HSF5: variants seen among roughly 807,000 people sequenced by gnomAD.
HSF5 encodes the protein heat shock factor protein 5.
In HSF5, 5 loss-of-function variants were observed where a neutral mutation model predicts 50.8. That is an observed-to-expected ratio of 0.10 (90% CI 0.05 to 0.21). HSF5 has a LOEUF of 0.21. HSF5 is among the 10% of genes least tolerant of loss of function. The probability of loss-of-function intolerance (pLI) is 1.00; values close to 1 mark genes in which losing one functional copy is unlikely to be tolerated. For missense variants in HSF5, 564 were observed against 762.6 expected (o/e 0.74, Z 3.07); for synonymous variants, 307 against 307.4 (o/e 1.00, Z 0.02).
intron 1 of HSF5, among the ~76,000 whole-genome samples, chr17:58,481,155 T>C (rs117598412): frequency 6.6e-6 from 1 of 152,214 alleles, no homozygotes; most frequent in Non-Finnish European, 1.5e-5. Flanking sequence ...CTTAGTTTCC[T>C]CCTTCATCCC....
At chr17:58,482,799 C>A (rs1418609300) in intron 1 of HSF5, among the ~76,000 whole-genome samples, 2 of 149,526 alleles carry the variant, frequency 1.3e-5, no homozygotes, top group Non-Finnish European at 3.0e-5. Flanking sequence ...AAACAATCAG[C>A]CAGGTATGGT....
At chr17:58,486,322 G>A (rs149550057) in intron 1 of HSF5, among the ~76,000 whole-genome samples, 2,525 of 152,242 alleles carry the variant, frequency 0.017, 61 homozygotes, top group African/African-American at 0.056. Context: ...CCGAGATCGC[G>A]CCATTGCACT....
rs1346637479 is a variant in HSF5, at chr17:58,462,886, C to G, written c.1438G>C (p.Ala480Pro). 1.2e-6 allele frequency: 2 copies of G among 1,614,162 alleles called. No individual in the cohort carries two copies. Among genetic ancestry groups the G allele is most frequent in the Non-Finnish European group, 1.7e-6 (2 of 1,180,016 alleles). Residue 480 changes from alanine to proline, a missense_variant, in exon 4 of 6, where the codon GCC (alanine) becomes CCC (proline). Around this residue, in one of 5 missense-constraint regions of HSF5, gnomAD observed 441 missense variants for 533.6 expected, o/e 0.83. Coordinates refer to ENST00000323777, the MANE Select transcript of HSF5 (RefSeq NM_001080439.3). ...AGTTTGACATGAGCTTGCTGGATGG[C>G]TGCAGATTCCTGTATTGTGCTATTT... ...VENSTIQESA[A>P]IQQAHVKLKE...
intron 2 of HSF5, among the ~76,000 whole-genome samples, chr17:58,467,504 C>T (rs1409477242): frequency 6.6e-6 from 1 of 152,250 alleles, no homozygotes; most frequent in Non-Finnish European, 1.5e-5. Context: ...CAGAGCCAGA[C>T]TGCCTGGTTT....
At chr17:58,457,861 G>A (rs1308605304) in intron 5 of HSF5, among the ~76,000 whole-genome samples, 3 of 152,166 alleles carry the variant, frequency 2.0e-5, no homozygotes, top group Non-Finnish European at 4.4e-5. Flanking sequence ...AACTAAAAGT[G>A]TGCAAGCTAA....
In HSF5 at chr17:58,422,072, C is replaced by G. The variant is rs1974235405; in HGVS notation, c.*288G>C. On this transcript the variant is annotated 3_prime_UTR_variant, in exon 6 of 6. Coordinates refer to ENST00000323777, the MANE Select transcript of HSF5 (RefSeq NM_001080439.3). ...CCATAGATGGAGCAGTTTTTAGATGCTCCTTGACTATAACAGAAGGTCAGA... is the reference window on the plus strand; with the variant it reads ...CCATAGATGGAGCAGTTTTTAGATGGTCCTTGACTATAACAGAAGGTCAGA... The G allele has an allele frequency of 3.2e-6, 1 of 317,414 alleles. No homozygotes were observed. Among genetic ancestry groups the G allele is most frequent in the African/African-American group, 2.2e-5 (1 of 46,504 alleles). 19.7% of individuals were successfully genotyped at this position (317,414 alleles called of 1,614,324 possible).
At chr17:58,428,872 C>T (rs566332788) in intron 5 of HSF5, among the ~76,000 whole-genome samples, 15 of 152,190 alleles carry the variant, frequency 9.9e-5, no homozygotes, top group Middle Eastern at 3.4e-3. Flanking sequence ...CCATATGACC[C>T]GGCAATTCCA....
chr17:58,469,489 G>T (rs1416534442), intron 2 of HSF5, among the ~76,000 whole-genome samples: 1 of 152,190 alleles, frequency 6.6e-6, no homozygotes. Flanking sequence ...TGAAGAAAAT[G>T]AGGATTTGAA....
At chr17:58,487,624 C>A in intron 1 of HSF5, 101 bp downstream of exon 1, 1 of 1,317,258 alleles carries the variant, frequency 7.6e-7, no homozygotes, top group African/African-American at 1.5e-5. Context: ...CTTTCCGACG[C>A]CCATAGCGTG....
chr17:58,446,864 T>G (rs1974568717), intron 5 of HSF5, among the ~76,000 whole-genome samples: 1 of 152,156 alleles, frequency 6.6e-6, no homozygotes, highest in African/African-American at 2.4e-5. Flanking sequence ...CAGTGGCTCA[T>G]GCCTGTAATC....
intron 2 of HSF5, chr17:58,476,440 G>C (rs1975012906): frequency 4.7e-6 from 5 of 1,061,956 alleles, no homozygotes; most frequent in Non-Finnish European, 7.3e-6. Context: ...AGTTTAACTT[G>C]AACGCTTTGT....
intron 5 of HSF5, among the ~76,000 whole-genome samples, chr17:58,453,049 A>C (rs902934615): frequency 2.6e-5 from 4 of 152,088 alleles, no homozygotes; most frequent in African/African-American, 9.7e-5. Flanking sequence ...CAAACAAACA[A>C]AAAGTCTCCC....
At chr17:58,424,630 G>A (rs902760259) in intron 5 of HSF5, among the ~76,000 whole-genome samples, 1 of 150,550 alleles carries the variant, frequency 6.6e-6, no homozygotes, top group Non-Finnish European at 1.5e-5. Context: ...AAAAAAAAAG[G>A]AGGAAGAAAG....
At chr17:58,473,514 G>T (rs1425546058) in intron 2 of HSF5, among the ~76,000 whole-genome samples, 1 of 152,118 alleles carries the variant, frequency 6.6e-6, no homozygotes, top group Non-Finnish European at 1.5e-5. Flanking sequence ...TTAAATTACA[G>T]TTGCAGACCA....
At chr17:58,447,930 C>T (rs1974582038) in intron 5 of HSF5, among the ~76,000 whole-genome samples, 1 of 152,158 alleles carries the variant, frequency 6.6e-6, no homozygotes, top group Non-Finnish European at 1.5e-5. Context: ...AGGCAGATCA[C>T]ATGAGCCCAG....
chr17:58,429,566 C>T (rs774836349), intron 5 of HSF5, among the ~76,000 whole-genome samples: 1 of 151,788 alleles, frequency 6.6e-6, no homozygotes, highest in Admixed American at 6.6e-5. Flanking sequence ...AAATGTTTGG[C>T]CAGGCGTGGT....
At position 58,466,872 on chromosome 17, in the gene HSF5, G is replaced by C; in HGVS notation, c.1020+13C>G. On this transcript the variant is annotated intron_variant, in intron 3 of 5. Coordinates refer to ENST00000323777, the MANE Select transcript of HSF5 (RefSeq NM_001080439.3). ...TAAAGCGCGGAGCATGGCCACAGTTGCAAGAATCTTACCTGGAAGTAGTTG... is the reference window on the plus strand; with the variant it reads ...TAAAGCGCGGAGCATGGCCACAGTTCCAAGAATCTTACCTGGAAGTAGTTG... 7 of 1,521,712 alleles carry C rather than the reference G, an allele frequency of 4.6e-6. No individual in the cohort carries two copies. Among genetic ancestry groups the C allele is most frequent in the Non-Finnish European group, 6.4e-6 (7 of 1,095,958 alleles). 94.3% of individuals were successfully genotyped at this position (1,521,712 alleles called of 1,614,324 possible). A position where few individuals can be genotyped will look rare whatever the true frequency, so the allele number is the denominator to read the frequency against.
intron 4 of HSF5, among the ~76,000 whole-genome samples, chr17:58,460,478 TACAC>T (rs34994266): frequency 7.3e-6 from 1 of 137,726 alleles, no homozygotes; most frequent in Admixed American, 7.4e-5. Flanking sequence ...TACATATATA[TACAC>T]ACACACACAC....
At chr17:58,475,736 C>T (rs185579082) in intron 2 of HSF5, among the ~76,000 whole-genome samples, 13 of 152,188 alleles carry the variant, frequency 8.5e-5, no homozygotes, top group Non-Finnish European at 1.8e-4. Context: ...TGTTTTCATT[C>T]AGAGAAAGGA....
Sources: allele counts gnomAD v4.1 joint callset (sites outside exome capture counted in the v4.1 genomes callset), GRCh38; gene constraint gnomAD v4.1.1; regional missense constraint gnomAD v4.1.1; transcripts MANE v1.5; gene names NCBI Gene and HGNC (gene_info 2026-07-23, HGNC 2026-07-21).